CDK12: variants seen among roughly 807,000 people sequenced by gnomAD.
The protein encoded by CDK12 is cyclin dependent kinase 12.
Under a neutral mutation model 133.8 loss-of-function variants are expected in CDK12, and 17 were observed. That is an observed-to-expected ratio of 0.13 (90% CI 0.09 to 0.19). The LOEUF (loss-of-function observed/expected upper bound fraction) is 0.19. Ranked by LOEUF, CDK12 falls within the 10% of genes least tolerant of loss-of-function variation. CDK12 has a pLI of 1.00. For synonymous variants in CDK12, 694 were observed against 683.6 expected (o/e 1.02, Z -0.24); for missense variants, 1,508 against 1,818.7 (o/e 0.83, Z 3.11).
At chr17:39,544,178 A>C (rs938862622), upstream of CDK12, 4 of 475,652 alleles carry the variant, frequency 8.4e-6, no homozygotes, top group African/African-American at 7.9e-5. Flanking sequence ...CCTGGGTGCA[A>C]GACCAAAGAT....
At chr17:39,481,242 AAACTCCGTCTC>A (rs2145534867) in intron 2 of CDK12, among the ~76,000 whole-genome samples, 3 of 145,264 alleles carry the variant, frequency 2.1e-5, no homozygotes, top group African/African-American at 7.5e-5. Context: ...AACAAGAGCG[AAACTCCGTCTC>A]AAAAAAAAAA....
intron 2 of CDK12, among the ~76,000 whole-genome samples, chr17:39,475,512 C>T (rs945704672): frequency 2.0e-5 from 3 of 150,654 alleles, no homozygotes; most frequent in African/African-American, 7.3e-5. Flanking sequence ...AATTCTGCCA[C>T]GTGATGAAAA....
At chr17:39,463,293 T>C (rs1243182442) in intron 1 of CDK12, among the ~76,000 whole-genome samples, 176 bp downstream of exon 1, 1 of 152,124 alleles carries the variant, frequency 6.6e-6, no homozygotes, top group Non-Finnish European at 1.5e-5. Flanking sequence ...ATTCGAGAAG[T>C]GAAGAGTACA....
intron 2 of CDK12, among the ~76,000 whole-genome samples, chr17:39,483,263 C>T (rs1313323952): frequency 3.3e-5 from 5 of 150,672 alleles, no homozygotes; most frequent in Non-Finnish European, 7.4e-5. Flanking sequence ...ATCACTGTTT[C>T]TTTTCTTTTT....
Position 39,462,542 on chromosome 17 carries a change from G to A in CDK12, c.471G>A (p.Glu157=), listed in dbSNP as rs758471913. ...ISGSSKRSNE[E]TDDYGKAQVA... The stretch of plus-strand genomic sequence containing the variant: ...GAAGTTCAAAGCGTTCGAATGAGGA[G>A]ACTGATGACTATGGGAAGGCGCAGG... The change falls in exon 1 of 14, where the codon GAG becomes GAA. Residue 157 remains glutamate, a synonymous_variant. Transcript: ENST00000447079. 6.2e-7 allele frequency: 1 copy of A among 1,614,190 alleles called. No individual in the cohort carries two copies. Among genetic ancestry groups the A allele is most frequent in the African/African-American group, 1.3e-5 (1 of 75,068 alleles).
At chr17:39,482,013 G>T (rs1165777071) in intron 2 of CDK12, among the ~76,000 whole-genome samples, 2 of 34,718 alleles carry the variant, frequency 5.8e-5, no homozygotes, top group African/African-American at 5.3e-5. Flanking sequence ...AGCCTGGCTT[G>T]CCTTTTTTTT....
chr17:39,467,609 C>T (rs1746662842), intron 1 of CDK12, among the ~76,000 whole-genome samples: 1 of 152,142 alleles, frequency 6.6e-6, no homozygotes. Context: ...TTCTAACAGA[C>T]TTCCTTAGGA....
At chr17:39,470,365 C>T (rs150363550) in intron 1 of CDK12, among the ~76,000 whole-genome samples, 77 of 152,182 alleles carry the variant, frequency 5.1e-4, no homozygotes, top group African/African-American at 1.8e-3. Flanking sequence ...TGGTGATCTG[C>T]CCGCCTCAGC....
In CDK12 at chr17:39,496,726, T is replaced by C. The variant is rs141443114; in HGVS notation, c.2419+2032T>C. 2.9e-3 allele frequency among the ~76,000 whole-genome samples: 439 copies of C among 151,984 alleles called. 2 individuals are homozygous for C. The highest frequency in any genetic ancestry group is 0.01 in the African/African-American group (420 of 41,496). On this transcript the variant is annotated intron_variant, in intron 5 of 13. Coordinates refer to ENST00000447079, the MANE Select transcript of CDK12 (RefSeq NM_016507.4). ...CAAAAAAAAATCCCAAAAAACATAA[T>C]AACAATGCCTTGAGTATCTTTCTGC...
Position 39,517,487 on chromosome 17 carries a change from A to G in CDK12, c.2894A>G (p.Lys965Arg), listed in dbSNP as rs1567768336. 6.2e-7 allele frequency: 1 copy of G among 1,614,016 alleles called. No individual in the cohort carries two copies. The highest frequency in any genetic ancestry group is 2.2e-5 in the East Asian group (1 of 44,884). Reference protein sequence around the residue: ...PCPAVWPDVIKLPYFNTMKPK... With the variant: ...PCPAVWPDVIRLPYFNTMKPK... ...CCAGCTGTGTGGCCTGATGTTATCA[A>G]ACTGCCCTACTTCAACACCATGAAA... Residue 965 changes from lysine to arginine, a missense_variant, in exon 10 of 14, where the codon AAA becomes AGA. Lys to Arg is a conservative substitution (Grantham distance 26, BLOSUM62 2). This residue lies in a region of CDK12 where 82 missense variants were observed against 201.5 expected (regional missense o/e 0.41). Coordinates refer to ENST00000447079, the MANE Select transcript of CDK12 (RefSeq NM_016507.4).
At chr17:39,511,378 A>G (rs1041583112) in intron 7 of CDK12, 151 bp from the exon 8 acceptor site, 10 of 558,248 alleles carry the variant, frequency 1.8e-5, no homozygotes, top group Non-Finnish European at 2.3e-5. Flanking sequence ...CCTACTTCTG[A>G]ACAGTTTGCT....
chr17:39,462,185 G>T lies in CDK12; in HGVS notation c.114G>T (p.Leu38Phe), dbSNP rs2144850249. 1.2e-6 allele frequency: 2 copies of T among 1,614,216 alleles called. No individual in the cohort carries two copies. Among genetic ancestry groups the T allele is most frequent in the Middle Eastern group, 1.6e-4 (1 of 6,062 alleles). The change falls in exon 1 of 14, where the codon TTG becomes TTT. Residue 38 changes from leucine to phenylalanine, a missense_variant. Physicochemically the swap from Leu to Phe is conservative, Grantham distance 22 (BLOSUM62 0). Around this residue, in one of 9 missense-constraint regions of CDK12, gnomAD observed 460 missense variants for 490.8 expected, o/e 0.94. Coordinates refer to ENST00000447079, the MANE Select transcript of CDK12 (RefSeq NM_016507.4). ...GSSNSRERHRLVSKHKRHKSK... is the reference protein window; with the variant it reads ...GSSNSRERHRFVSKHKRHKSK... ...CTAACAGCAGAGAGCGTCACCGCTT[G>T]GTATCGAAGCACAAGCGGCATAAGT...
chr17:39,519,980 A>G lies in CDK12; in HGVS notation c.2988A>G (p.Leu996=). 1.9e-6 allele frequency: 3 copies of G among 1,613,986 alleles called. No individual in the cohort carries two copies. The highest frequency in any genetic ancestry group is 2.5e-6 in the Non-Finnish European group (3 of 1,179,956). Reference sequence around the variant, plus strand: ...GCATTCCTTCTGCAGCACTTGATTTATTGGACCACATGCTGACACTAGATC... The same window carrying G: ...GCATTCCTTCTGCAGCACTTGATTTGTTGGACCACATGCTGACACTAGATC... The part of the protein sequence containing the change: ...FSFIPSAALD[L]LDHMLTLDPS... The change falls in exon 11 of 14, where the codon TTA becomes TTG. Residue 996 remains leucine (L), a synonymous_variant. Transcript: ENST00000447079.
chr17:39,526,043 G>C lies in CDK12; in HGVS notation c.3487G>C (p.Ala1163Pro). The C allele has an allele frequency of 6.2e-7, 1 of 1,614,214 alleles. No homozygotes were observed. Among genetic ancestry groups the C allele is most frequent in the Non-Finnish European group, 8.5e-7 (1 of 1,180,020 alleles). ...CCAATCCATCAGTGCCCTGACGGAA[G>C]CTACTTCCCAGCAGCAGGACTCAGA... ...LNQSISALTE[A>P]TSQQQDSETM... The change falls in exon 13 of 14, where the codon GCT becomes CCT. Residue 1163 changes from alanine to proline, a missense_variant. Ala to Pro is a conservative substitution (Grantham distance 27). Coordinates refer to ENST00000447079, the MANE Select transcript of CDK12 (RefSeq NM_016507.4).
chr17:39,526,391 T>C, intron 13 of CDK12, 75 bp downstream of exon 13: 1 of 1,159,142 alleles, frequency 8.6e-7, no homozygotes, highest in Non-Finnish European at 1.2e-6. Context: ...TAACATTTTT[T>C]TTCCCCCACA....
At chr17:39,566,342 G>A (rs2056573267), downstream of CDK12, among the ~76,000 whole-genome samples, 1 of 152,048 alleles carries the variant, frequency 6.6e-6, no homozygotes. Flanking sequence ...CTGCTCTCTG[G>A]TCATTAGGGC....
chr17:39,530,960 A>G lies in CDK12; in HGVS notation c.4117A>G (p.Asn1373Asp), dbSNP rs1391817583. ...ATCCTTGGTCCAGACCCTGGTGAAG[A>G]ACAGGACCTTCTCAGGCTCTCTGAG... ...TESLVQTLVK[N>D]RTFSGSLSHL... Residue 1373 changes from asparagine to aspartate, a missense_variant, in exon 14 of 14, where the codon AAC (asparagine) becomes GAC (aspartate). This residue lies in a region of CDK12 where 399 missense variants were observed against 469.6 expected (regional missense o/e 0.85). Transcript: ENST00000447079. 1.7e-5 allele frequency: 27 copies of G among 1,614,088 alleles called. No homozygotes were observed. Among genetic ancestry groups the G allele is most frequent in the Admixed American group, 1.7e-4 (10 of 60,008 alleles).
At position 39,462,474 on chromosome 17, in the gene CDK12, G is replaced by A. The variant is rs1281651270; in HGVS notation, c.403G>A (p.Glu135Lys). 6.2e-7 allele frequency: 1 copy of A among 1,614,070 alleles called. No individual in the cohort carries two copies. The highest frequency in any genetic ancestry group is 8.5e-7 in the Non-Finnish European group (1 of 1,180,042). ...AKQTEKEKSQ[E>K]VSSKSGSMKD... is the part of the protein sequence containing the mutation. ...ACAGACCGAAAAAGAAAAAAGCCAAGAAGTCTCCAGCAAGTCGGGATCGAT... is the reference window on the plus strand; with the variant it reads ...ACAGACCGAAAAAGAAAAAAGCCAAAAAGTCTCCAGCAAGTCGGGATCGAT... The change falls in exon 1 of 14, where the codon GAA becomes AAA. Residue 135 changes from glutamate to lysine, a missense_variant. By Grantham distance (56) the Glu-to-Lys change is moderately conservative. Around this residue, in one of 9 missense-constraint regions of CDK12, gnomAD observed 460 missense variants for 490.8 expected, o/e 0.94. Transcript: ENST00000447079.
chr17:39,476,722 T>TTTTCTTTTTTC (rs1567696872), intron 2 of CDK12, among the ~76,000 whole-genome samples: 2 of 111,452 alleles, frequency 1.8e-5, no homozygotes, highest in African/African-American at 7.1e-5. Flanking sequence ...TTTTTTTTTT[T>TTTTCTTTTTTC]TTTTTTTTTT....
Sources: allele counts gnomAD v4.1 joint callset (sites outside exome capture counted in the v4.1 genomes callset), GRCh38; gene constraint gnomAD v4.1.1; regional missense constraint gnomAD v4.1.1; transcripts MANE v1.5; gene names NCBI Gene and HGNC (gene_info 2026-07-23, HGNC 2026-07-21).